Variants in PRKAR1A observed in about 807,000 individuals in gnomAD.
The protein encoded by PRKAR1A is protein kinase cAMP-dependent type I regulatory subunit alpha.
In PRKAR1A, 3 loss-of-function variants were observed where a neutral mutation model predicts 52.0. The ratio of observed to expected loss-of-function variants is 0.06; its 90% CI spans 0.03 to 0.15. PRKAR1A has a LOEUF of 0.15. Among genes scored for constraint, PRKAR1A ranks in the 10% least tolerant of loss-of-function variants. The pLI, the probability that PRKAR1A is intolerant of heterozygous loss-of-function variation, is 1.00. For synonymous variants in PRKAR1A, 188 were observed against 168.4 expected, an observed-to-expected ratio of 1.12 and a Z score of -0.90; for missense variants, 240 against 477.4, an observed-to-expected ratio of 0.50 and a Z score of 4.63.
At chr17:68,489,663 G>A in the PRKAR1A span, among the ~76,000 whole-genome samples, 1 of 151,572 alleles carries the variant, frequency 6.6e-6, no homozygotes, top group African/African-American at 2.4e-5. Flanking sequence ...TGATTCTCAT[G>A]CCTCAGCCTC....
chr17:68,515,253 C>A, intron 1 of PRKAR1A, 141 bp from the exon 2 acceptor site: 1 of 811,782 alleles, frequency 1.2e-6, no homozygotes, highest in South Asian at 1.5e-5. Flanking sequence ...TTCCCTAGTC[C>A]CCACTTCCCT....
chr17:68,504,317 T>G, the PRKAR1A span, among the ~76,000 whole-genome samples: 164 of 151,362 alleles, frequency 1.1e-3, 2 homozygotes, highest in Middle Eastern at 3.4e-3. Context: ...AAAAAAAAAA[T>G]TTAGCCAGGC....
the PRKAR1A span, among the ~76,000 whole-genome samples, chr17:68,439,552 T>G: frequency 6.6e-6 from 1 of 152,222 alleles, no homozygotes; most frequent in Non-Finnish European, 1.5e-5. Flanking sequence ...ATTGTGGTGA[T>G]GGTTACACAA....
chr17:68,492,470 G>C, the PRKAR1A span, among the ~76,000 whole-genome samples: 1 of 152,160 alleles, frequency 6.6e-6, no homozygotes, highest in Non-Finnish European at 1.5e-5. Flanking sequence ...CTGTGACTGA[G>C]AGGAATTGTT....
chr17:68,532,143 TA>T lies in PRKAR1A; in HGVS notation c.*1696del. 1 of 1,054,654 alleles carries T rather than the reference TA, an allele frequency of 9.5e-7. No homozygotes were observed. Among genetic ancestry groups the T allele is most frequent in the Non-Finnish European group, 1.2e-6 (1 of 869,410 alleles). 65.3% of individuals were successfully genotyped at this position (1,054,654 alleles called of 1,614,324 possible). A position where few individuals can be genotyped will look rare whatever the true frequency, so the allele number is the denominator to read the frequency against. ...GTTACAAATTTTTTAATTTCCAAAA[TA>T]ATCTATATTAAATGAGGGTTTCTGA... On this transcript the variant is annotated 3_prime_UTR_variant, in exon 11 of 11. Coordinates refer to ENST00000589228, the MANE Select transcript of PRKAR1A (RefSeq NM_002734.5).
the PRKAR1A span, among the ~76,000 whole-genome samples, chr17:68,457,803 G>T: frequency 3.2e-4 from 49 of 152,286 alleles, no homozygotes; most frequent in African/African-American, 1.1e-3. Flanking sequence ...TTCGTAACGC[G>T]GCTCTCCATT....
the PRKAR1A span, chr17:68,444,605 C>T: frequency 5.0e-6 from 8 of 1,603,524 alleles, no homozygotes; most frequent in East Asian, 1.8e-4. Flanking sequence ...ATCACACAGA[C>T]TTATCAGTCT....
chr17:68,485,571 C>G, the PRKAR1A span, among the ~76,000 whole-genome samples: 3 of 152,052 alleles, frequency 2.0e-5, no homozygotes, highest in Non-Finnish European at 4.4e-5. Flanking sequence ...TGATAATGCC[C>G]GCACCACAGA....
downstream of PRKAR1A, chr17:68,537,530 C>T (rs747920001): frequency 4.5e-5 from 72 of 1,613,708 alleles, no homozygotes; most frequent in Admixed American, 5.0e-5. The surrounding 1 kb of genome is among the most constrained non-coding windows in gnomAD (Gnocchi z 4.2). Flanking sequence ...TCCACTGGGC[C>T]GTCGACTATG....
chr17:68,541,864 TG>T, intron 11 of PRKAR1A: 1 of 1,182,932 alleles, frequency 8.5e-7, no homozygotes, highest in Non-Finnish European at 1.2e-6. Context: ...CAATATGAAA[TG>T]GGGCAAAGGA....
At chr17:68,452,293 G>A in the PRKAR1A span, among the ~76,000 whole-genome samples, 1 of 152,338 alleles carries the variant, frequency 6.6e-6, no homozygotes, top group African/African-American at 2.4e-5. Context: ...GGCTGGGTGA[G>A]GTGGCTCACG....
the PRKAR1A span, among the ~76,000 whole-genome samples, chr17:68,481,946 T>C: frequency 3.3e-5 from 5 of 152,320 alleles, no homozygotes; most frequent in East Asian, 5.8e-4. Flanking sequence ...ATGCGCTAGG[T>C]GCCAGGGCAC....
chr17:68,422,041 C>T, the PRKAR1A span: 9 of 587,770 alleles, frequency 1.5e-5, no homozygotes, highest in Non-Finnish European at 2.1e-5. Context: ...ATAAAAATGT[C>T]TCTGTGTGTG....
chr17:68,422,570 A>G, the PRKAR1A span: 1 of 151,866 alleles, frequency 6.6e-6, no homozygotes, highest in Non-Finnish European at 1.5e-5. Context: ...GTCTCTACTA[A>G]AAATACAAAA....
At chr17:68,426,251 G>GGGGGGT in the PRKAR1A span, 15 of 825,456 alleles carry the variant, frequency 1.8e-5, 3 homozygotes, top group East Asian at 6.9e-5. Flanking sequence ...GTGGGGAGCG[G>GGGGGGT]GGGCTCAAAT....
the PRKAR1A span, among the ~76,000 whole-genome samples, chr17:68,418,464 AC>A: frequency 6.6e-6 from 1 of 152,256 alleles, no homozygotes. Flanking sequence ...ATTAATCTCT[AC>A]TGATCAACTT....
chr17:68,455,927 G>A, the PRKAR1A span, among the ~76,000 whole-genome samples: 1 of 152,178 alleles, frequency 6.6e-6, no homozygotes, highest in Non-Finnish European at 1.5e-5. Context: ...CAACAGCCAT[G>A]CCCTCTTGCA....
chr17:68,551,306 A>T (rs1298373052), exon 12 of PRKAR1A: 2 of 418,508 alleles, frequency 4.8e-6, no homozygotes, highest in East Asian at 3.6e-5. Flanking sequence ...ATATAAATTA[A>T]TGTAAACATG....
At chr17:68,420,772 T>A in the PRKAR1A span, 1 of 367,702 alleles carries the variant, frequency 2.7e-6, no homozygotes, top group South Asian at 4.5e-5. Context: ...AAGTTGATTT[T>A]GAGGGTTAAA....
Sources: gnomAD v4.1 joint callset for allele counts (sites outside exome capture counted in the v4.1 genomes callset) on GRCh38, gnomAD v4.1.1 for gene constraint, Gnocchi (gnomAD v3.1) non-coding constraint, MANE v1.5 for transcripts, NCBI Gene and HGNC (gene_info 2026-07-23, HGNC 2026-07-21) for gene names.